Variants in BMERB1 observed in about 807,000 individuals in gnomAD.
BMERB1 encodes the protein bMERB domain containing 1.
In BMERB1, 12 loss-of-function variants were observed where a neutral mutation model predicts 23.6. The ratio of observed to expected loss-of-function variants is 0.51; its 90% CI spans 0.33 to 0.82. The LOEUF is 0.82. BMERB1 is among the 40% of genes least tolerant of loss of function. The probability of loss-of-function intolerance (pLI) is 0.03; values close to 1 mark genes in which losing one functional copy is unlikely to be tolerated. For synonymous variants in BMERB1, 122 were observed against 96.6 expected (o/e 1.26, Z -1.54); for missense variants, 247 against 255.4 (o/e 0.97, Z 0.22).
At chr16:15,563,407 G>T (rs1404448908) in intron 2 of BMERB1, among the ~76,000 whole-genome samples, 1 of 151,932 alleles carries the variant, frequency 6.6e-6, no homozygotes, top group Non-Finnish European at 1.5e-5. Context: ...TTTTAGTAGA[G>T]ACGGGGTTTC....
intron 2 of BMERB1, among the ~76,000 whole-genome samples, chr16:15,520,404 C>T (rs148154648): frequency 7.3e-5 from 11 of 151,364 alleles, no homozygotes; most frequent in East Asian, 1.9e-4. Context: ...GGAACTTGGA[C>T]AGATTTTACT....
chr16:15,570,739 G>A lies in BMERB1; in HGVS notation c.304+2683G>A. On this transcript the variant is annotated intron_variant, in intron 3 of 5. Transcript: ENST00000300006. The stretch of plus-strand genomic sequence containing the variant: ...GGCTCCTCGATTGATTGTACTTATA[G>A]CTATTTCTTGATTATATGCTAAACA... 1.3e-5 allele frequency among the ~76,000 whole-genome samples: 2 copies of A among 150,906 alleles called. 1 individual carries two copies. Among genetic ancestry groups the A allele is most frequent in the East Asian group, 3.9e-4 (2 of 5,188 alleles).
chr16:15,496,918 C>T (rs2051478781), intron 1 of BMERB1, among the ~76,000 whole-genome samples: 2 of 152,188 alleles, frequency 1.3e-5, no homozygotes, highest in African/African-American at 4.8e-5. Flanking sequence ...AGGGGCAGAG[C>T]CAGGCAGGGG....
chr16:15,457,180 G>T (rs1197812648), intron 1 of BMERB1, among the ~76,000 whole-genome samples: 1 of 152,116 alleles, frequency 6.6e-6, no homozygotes, highest in African/African-American at 2.4e-5. Flanking sequence ...TTTCAACTAG[G>T]TTTAGAATGT....
intron 1 of BMERB1, among the ~76,000 whole-genome samples, chr16:15,444,271 C>G (rs917425331): frequency 1.3e-5 from 2 of 151,432 alleles, no homozygotes; most frequent in Non-Finnish European, 2.9e-5. Flanking sequence ...ACTTCACTCA[C>G]AAGTTCCCCC....
intron 1 of BMERB1, among the ~76,000 whole-genome samples, chr16:15,457,497 C>T (rs148436221): frequency 5.3e-5 from 8 of 152,296 alleles, no homozygotes; most frequent in Admixed American, 1.3e-4. Context: ...TGCTTAAGTC[C>T]ATCAGGAGCT....
chr16:15,484,182 C>T (rs1435632182), intron 1 of BMERB1, among the ~76,000 whole-genome samples: 8 of 152,166 alleles, frequency 5.3e-5, no homozygotes, highest in Admixed American at 5.2e-4. Context: ...CATCCAAACA[C>T]CTCTCAACAG....
At chr16:15,478,728 C>T (rs191151998) in intron 1 of BMERB1, among the ~76,000 whole-genome samples, 7 of 152,270 alleles carry the variant, frequency 4.6e-5, no homozygotes, top group African/African-American at 1.7e-4. Flanking sequence ...AGGCAGGGCA[C>T]CCCACTCTAC....
chr16:15,465,770 T>C (rs2051175694), intron 1 of BMERB1, among the ~76,000 whole-genome samples: 1 of 152,254 alleles, frequency 6.6e-6, no homozygotes, highest in African/African-American at 2.4e-5. Flanking sequence ...GGAATTAATA[T>C]GTATTTATCT....
At chr16:15,551,701 G>A (rs1211818289) in intron 2 of BMERB1, among the ~76,000 whole-genome samples, 1 of 152,186 alleles carries the variant, frequency 6.6e-6, no homozygotes, top group Non-Finnish European at 1.5e-5. Flanking sequence ...ACCCGAGACT[G>A]GGTCATTTAT....
intron 1 of BMERB1, among the ~76,000 whole-genome samples, chr16:15,507,395 G>C (rs1482855540): frequency 6.6e-6 from 1 of 152,146 alleles, no homozygotes; most frequent in African/African-American, 2.4e-5. Context: ...GCATCTCCCT[G>C]GGGTGGCATT....
intron 2 of BMERB1, among the ~76,000 whole-genome samples, chr16:15,552,448 A>G (rs1039307194): frequency 1.4e-4 from 22 of 152,042 alleles, no homozygotes; most frequent in East Asian, 5.8e-4. Flanking sequence ...TCAAAAAAAA[A>G]AAGAAGAAGA....
At chr16:15,520,661 T>C (rs2051841089) in intron 2 of BMERB1, among the ~76,000 whole-genome samples, 1 of 151,986 alleles carries the variant, frequency 6.6e-6, no homozygotes, top group African/African-American at 2.4e-5. Flanking sequence ...CTTTTTTTTG[T>C]ATTTTTTAGT....
At chr16:15,569,420 A>C (rs560049661) in intron 3 of BMERB1, among the ~76,000 whole-genome samples, 8 of 152,138 alleles carry the variant, frequency 5.3e-5, no homozygotes, top group South Asian at 4.2e-4. Flanking sequence ...GGGAGGTGCC[A>C]CACACTTTTA....
intron 1 of BMERB1, among the ~76,000 whole-genome samples, chr16:15,506,438 C>T (rs1373730406): frequency 6.6e-6 from 1 of 152,188 alleles, no homozygotes; most frequent in African/African-American, 2.4e-5. Context: ...TCCCAAAGTG[C>T]TGGGATTACA....
chr16:15,552,032 A>G (rs1204854465), intron 2 of BMERB1, among the ~76,000 whole-genome samples: 2 of 152,152 alleles, frequency 1.3e-5, no homozygotes, highest in African/African-American at 4.8e-5. Context: ...CCTTAGGGGT[A>G]GGGTTAGGGA....
At chr16:15,583,577 CAAAAAA>C (rs35021259) in intron 5 of BMERB1, among the ~76,000 whole-genome samples, 1 of 61,866 alleles carries the variant, frequency 1.6e-5, no homozygotes, top group African/African-American at 5.2e-5. Context: ...GACTTTGTCT[CAAAAAA>C]AAAAAAAAAA....
chr16:15,549,746 G>A (rs1199180061), intron 2 of BMERB1, among the ~76,000 whole-genome samples: 1 of 151,972 alleles, frequency 6.6e-6, no homozygotes, highest in Non-Finnish European at 1.5e-5. Flanking sequence ...GAAACAATCA[G>A]GGGACTTACC....
intron 1 of BMERB1, among the ~76,000 whole-genome samples, chr16:15,511,041 C>T (rs2051658158): frequency 6.6e-6 from 1 of 152,048 alleles, no homozygotes; most frequent in South Asian, 2.1e-4. Flanking sequence ...TCCTTCCCTC[C>T]TTTCTCAAGC....
Sources: allele counts gnomAD v4.1 joint callset (sites outside exome capture counted in the v4.1 genomes callset), GRCh38; gene constraint gnomAD v4.1.1; transcripts MANE v1.5; gene names NCBI Gene and HGNC (gene_info 2026-07-23, HGNC 2026-07-21).